CAST: variants seen among roughly 807,000 people sequenced by gnomAD.
CAST encodes the protein MIR583 host.
A neutral mutation model predicts 119.6 loss-of-function variants in CAST; 76 were observed. The ratio of observed to expected loss-of-function variants is 0.64; its 90% CI spans 0.53 to 0.77. The LOEUF is 0.77. Among genes scored for constraint, CAST ranks in the 30% least tolerant of loss-of-function variants. CAST has a pLI of 0.00. For missense variants in CAST, 953 were observed against 946.5 expected, an observed-to-expected ratio of 1.01 and a Z score of -0.09; for synonymous variants, 319 against 331.6, an observed-to-expected ratio of 0.96 and a Z score of 0.41.
chr5:96,762,235 T>C (rs1203175193), intron 24 of CAST, 39 bp from the exon 25 acceptor site: 2 of 1,357,330 alleles, frequency 1.5e-6, no homozygotes, highest in Non-Finnish European at 2.1e-6. Context: ...CATAATTTTA[T>C]ATACAACATG....
chr5:96,102,832 T>G, the CAST span, among the ~76,000 whole-genome samples: 1 of 152,130 alleles, frequency 6.6e-6, no homozygotes, highest in Non-Finnish European at 1.5e-5. Flanking sequence ...CTAATCCTTT[T>G]CTCATTTAGT....
intron 10 of CAST, among the ~76,000 whole-genome samples, chr5:96,737,158 G>T (rs1481511422): frequency 6.6e-6 from 1 of 152,190 alleles, no homozygotes; most frequent in African/African-American, 2.4e-5. Flanking sequence ...GACACATGGG[G>T]ATTACAATTG....
At chr5:96,579,626 T>G (rs1746736487) in intron 1 of CAST, among the ~76,000 whole-genome samples, 1 of 152,210 alleles carries the variant, frequency 6.6e-6, no homozygotes. Flanking sequence ...GCCATTCCGC[T>G]GTGCTATTCC....
chr5:96,526,427 A>G (rs1422204229), upstream of CAST, among the ~76,000 whole-genome samples: 1 of 152,202 alleles, frequency 6.6e-6, no homozygotes, highest in Non-Finnish European at 1.5e-5. Flanking sequence ...TTCTCTAAGT[A>G]GTTCTTTTCC....
At chr5:96,192,984 A>G in the CAST span, among the ~76,000 whole-genome samples, 1 of 152,108 alleles carries the variant, frequency 6.6e-6, no homozygotes, top group Non-Finnish European at 1.5e-5. Flanking sequence ...GCCTATTGTA[A>G]CTCTTATAGG....
intron 1 of CAST, among the ~76,000 whole-genome samples, chr5:96,616,775 C>A (rs1219388855): frequency 6.6e-6 from 1 of 151,638 alleles, no homozygotes; most frequent in Non-Finnish European, 1.5e-5. Flanking sequence ...CACACACACA[C>A]ACACACACAC....
At chr5:96,209,394 G>T in the CAST span, among the ~76,000 whole-genome samples, 1 of 151,944 alleles carries the variant, frequency 6.6e-6, no homozygotes, top group Non-Finnish European at 1.5e-5. Flanking sequence ...ACTTGATTGT[G>T]TAGTTGCTTT....
the CAST span, among the ~76,000 whole-genome samples, chr5:96,062,599 C>T: frequency 2.0e-5 from 3 of 152,086 alleles, no homozygotes; most frequent in Non-Finnish European, 4.4e-5. Flanking sequence ...CTGTGGCTGC[C>T]ACCCCATCAC....
At chr5:96,226,436 A>T in the CAST span, among the ~76,000 whole-genome samples, 10 of 152,156 alleles carry the variant, frequency 6.6e-5, no homozygotes, top group Non-Finnish European at 1.3e-4. Flanking sequence ...AGATTGCTTG[A>T]GCTCAGGAGT....
At chr5:96,491,106 A>G in the CAST span, among the ~76,000 whole-genome samples, 1 of 152,094 alleles carries the variant, frequency 6.6e-6, no homozygotes, top group African/African-American at 2.4e-5. Flanking sequence ...GAATATCGAA[A>G]CATGAAAGTA....
chr5:96,473,279 A>C, the CAST span, among the ~76,000 whole-genome samples: 1 of 152,236 alleles, frequency 6.6e-6, no homozygotes, highest in African/African-American at 2.4e-5. Flanking sequence ...GGAAATTACA[A>C]CTGAGTGATA....
At chr5:96,738,948 A>C (rs1290996870) in intron 11 of CAST, among the ~76,000 whole-genome samples, 2 of 151,944 alleles carry the variant, frequency 1.3e-5, no homozygotes, top group Non-Finnish European at 2.9e-5. Context: ...AAAAAAAAAA[A>C]AAAAGACACG....
chr5:96,228,326 G>C, the CAST span, among the ~76,000 whole-genome samples: 2 of 152,094 alleles, frequency 1.3e-5, no homozygotes, highest in Non-Finnish European at 2.9e-5. Flanking sequence ...TCATACCTCT[G>C]TACATTTCTA....
chr5:96,021,731 C>T, the CAST span, among the ~76,000 whole-genome samples: 1 of 152,128 alleles, frequency 6.6e-6, no homozygotes, highest in East Asian at 1.9e-4. Flanking sequence ...CAGGTGTGAG[C>T]CACTGCGCCT....
chr5:96,274,098 A>C, the CAST span, among the ~76,000 whole-genome samples: 3 of 149,694 alleles, frequency 2.0e-5, no homozygotes, highest in East Asian at 1.9e-4. Flanking sequence ...TTAGAGCCCC[A>C]ATTTTTTTTT....
the CAST span, among the ~76,000 whole-genome samples, chr5:96,056,191 T>C: frequency 5.3e-5 from 8 of 152,306 alleles, no homozygotes; most frequent in East Asian, 1.5e-3. Context: ...GTATCTCTGA[T>C]AATCCTAGAT....
At chr5:96,415,991 C>T in the CAST span, 11 of 1,227,760 alleles carry the variant, frequency 9.0e-6, no homozygotes, top group South Asian at 8.4e-5. Flanking sequence ...ATGTAAGCTT[C>T]ACATTAAAAT....
chr5:96,509,779 T>A, the CAST span, among the ~76,000 whole-genome samples: 1 of 152,268 alleles, frequency 6.6e-6, no homozygotes, highest in Non-Finnish European at 1.5e-5. Context: ...TGCTTTTTCA[T>A]GTGAGAAATT....
At chr5:96,480,247 T>G in the CAST span, among the ~76,000 whole-genome samples, 1 of 152,132 alleles carries the variant, frequency 6.6e-6, no homozygotes, top group Non-Finnish European at 1.5e-5. Flanking sequence ...AATTTGGTGT[T>G]CAGGAATATG....
Sources: gnomAD v4.1 joint callset for allele counts (sites outside exome capture counted in the v4.1 genomes callset) on GRCh38, gnomAD v4.1.1 for gene constraint, MANE v1.5 for transcripts, NCBI Gene and HGNC (gene_info 2026-07-23, HGNC 2026-07-21) for gene names.